BLOC1S5: variants seen among roughly 807,000 people sequenced by gnomAD.
The protein encoded by BLOC1S5 is biogenesis of lysosomal organelles complex 1 subunit 5.
A neutral mutation model predicts 24.3 loss-of-function variants in BLOC1S5; 27 were observed. That is an observed-to-expected ratio of 1.11 (90% CI 0.82 to 1.53). The LOEUF is 1.53. BLOC1S5 is among the 40% of genes most tolerant of loss of function. BLOC1S5 has a pLI of 0.00. For missense variants in BLOC1S5, 239 were observed against 229.4 expected (o/e 1.04, Z -0.27); for synonymous variants, 84 against 74.5 (o/e 1.13, Z -0.66).
chr6:8,059,245 G>C (rs910178283), intron 2 of BLOC1S5, among the ~76,000 whole-genome samples: 2 of 152,206 alleles, frequency 1.3e-5, no homozygotes, highest in Admixed American at 6.5e-5. Flanking sequence ...AAAGTCAGGA[G>C]ACAGACAGTC....
intron 4 of BLOC1S5, among the ~76,000 whole-genome samples, chr6:8,024,453 G>A (rs376465758): frequency 2.2e-5 from 3 of 137,182 alleles, no homozygotes; most frequent in South Asian, 2.3e-4. Flanking sequence ...GGGAGGCAGC[G>A]ATTGCAGTGA....
intron 4 of BLOC1S5, among the ~76,000 whole-genome samples, chr6:8,020,973 A>G (rs979069999): frequency 2.0e-5 from 3 of 152,244 alleles, no homozygotes; most frequent in African/African-American, 7.2e-5. Flanking sequence ...AATGTTATGC[A>G]TAATAGCCAA....
chr6:8,044,414 C>T (rs1763804385), intron 2 of BLOC1S5, among the ~76,000 whole-genome samples: 1 of 151,774 alleles, frequency 6.6e-6, no homozygotes, highest in Non-Finnish European at 1.5e-5. Flanking sequence ...ATGTCTTTAT[C>T]AGTAGAGTGA....
intron 1 of BLOC1S5, among the ~76,000 whole-genome samples, 167 bp downstream of exon 1, chr6:8,064,098 C>T (rs987582720): frequency 6.6e-6 from 1 of 152,172 alleles, no homozygotes; most frequent in Non-Finnish European, 1.5e-5. Flanking sequence ...TGTGGTGGGA[C>T]GCATTTGGCG....
chr6:8,037,120 A>G (rs1763515222), intron 3 of BLOC1S5, among the ~76,000 whole-genome samples: 1 of 152,210 alleles, frequency 6.6e-6, no homozygotes, highest in Non-Finnish European at 1.5e-5. Context: ...CATAATACTG[A>G]AAGTACTGCC....
At chr6:8,021,164 A>T (rs192327656) in intron 4 of BLOC1S5, among the ~76,000 whole-genome samples, 2 of 152,250 alleles carry the variant, frequency 1.3e-5, no homozygotes, top group Non-Finnish European at 2.9e-5. Flanking sequence ...GACAAATGTT[A>T]TATGAGTCTA....
chr6:8,029,814 AAAG>A, intron 3 of BLOC1S5, among the ~76,000 whole-genome samples: 1 of 152,368 alleles, frequency 6.6e-6, no homozygotes, highest in South Asian at 2.1e-4. Flanking sequence ...CTAGTGCTGA[AAAG>A]AAGCAGTGAT....
chr6:8,029,127 C>A (rs1218622644), intron 3 of BLOC1S5, among the ~76,000 whole-genome samples: 28 of 151,810 alleles, frequency 1.8e-4, no homozygotes, highest in African/African-American at 6.8e-4. Context: ...ACCTCAAATA[C>A]ACACGTAAGA....
Position 8,015,548 on chromosome 6 carries a change from T to C in BLOC1S5, c.*101A>G, listed in dbSNP as rs1447774556. 16 of 1,191,504 alleles carry C rather than the reference T, an allele frequency of 1.3e-5. No individual in the cohort carries two copies. The East Asian group carries it at 2.6e-4, about 20-fold the overall frequency. 73.8% of individuals were successfully genotyped at this position (1,191,504 alleles called of 1,614,324 possible). On this transcript the variant is annotated 3_prime_UTR_variant, in exon 5 of 5. Transcript: ENST00000397457. ...TGATATAAGAGTGCCACTGAATATA[T>C]TGCTAAGCTTGAAGCAGAGGCTAAA...
chr6:8,053,412 C>G (rs1331656034), intron 2 of BLOC1S5, among the ~76,000 whole-genome samples: 2 of 152,190 alleles, frequency 1.3e-5, no homozygotes, highest in African/African-American at 4.8e-5. Context: ...CCACCCTGAT[C>G]AGTCAGTCAG....
chr6:8,063,569 T>C (rs767867600), intron 1 of BLOC1S5, among the ~76,000 whole-genome samples: 7 of 152,324 alleles, frequency 4.6e-5, no homozygotes, highest in Non-Finnish European at 8.8e-5. Flanking sequence ...AGTACATATC[T>C]TCTTAAGCAT....
intron 3 of BLOC1S5, 116 bp from the exon 4 acceptor site, chr6:8,026,541 G>T: frequency 2.6e-6 from 2 of 783,034 alleles, no homozygotes; most frequent in South Asian, 1.7e-5. Context: ...AAAAAACTAT[G>T]CAAAGAACTG....
At chr6:8,047,357 A>G (rs1426590264) in intron 2 of BLOC1S5, among the ~76,000 whole-genome samples, 1 of 151,944 alleles carries the variant, frequency 6.6e-6, no homozygotes, top group Non-Finnish European at 1.5e-5. Flanking sequence ...ACAGGCGCAC[A>G]TTATGACACT....
intron 3 of BLOC1S5, among the ~76,000 whole-genome samples, chr6:8,028,809 C>A (rs941743107): frequency 6.6e-6 from 1 of 152,120 alleles, no homozygotes; most frequent in Non-Finnish European, 1.5e-5. Flanking sequence ...AAGACAATCA[C>A]CAGACTGCAC....
chr6:8,052,287 G>C (rs2815148), intron 2 of BLOC1S5, among the ~76,000 whole-genome samples: 130,738 of 152,136 alleles, frequency 0.86, 56,471 homozygotes, highest in East Asian at 1. Context: ...ATTCTACAGC[G>C]CATGGATTAA....
At chr6:8,060,777 C>T (rs1280504619) in intron 2 of BLOC1S5, among the ~76,000 whole-genome samples, 1 of 152,128 alleles carries the variant, frequency 6.6e-6, no homozygotes, top group Non-Finnish European at 1.5e-5. Flanking sequence ...ATTTATACAA[C>T]ACACTGTAAA....
rs116635551 is a variant in BLOC1S5 at position 8,053,835 on chromosome 6, C to G, written c.195+8699G>C. 9.5e-3 allele frequency among the ~76,000 whole-genome samples: 1,451 copies of G among 152,172 alleles called. 26 individuals are homozygous for G. Among genetic ancestry groups the G allele is most frequent in the African/African-American group, 0.033 (1,382 of 41,538 alleles). On this transcript the variant is annotated intron_variant, in intron 2 of 4. Coordinates refer to ENST00000397457, the MANE Select transcript of BLOC1S5 (RefSeq NM_201280.3). ...AATCTTTCTCTGTGTGGTCTTTGTT[C>G]TCTCTTTTTGGTGTATCTTCCAGTT...
chr6:8,057,958 G>A (rs1194685177), intron 2 of BLOC1S5, among the ~76,000 whole-genome samples: 1 of 152,046 alleles, frequency 6.6e-6, no homozygotes, highest in Non-Finnish European at 1.5e-5. Flanking sequence ...AGTCTTTCGT[G>A]CTTATAACAA....
intron 2 of BLOC1S5, among the ~76,000 whole-genome samples, chr6:8,055,087 C>T (rs144654412): frequency 9.8e-4 from 149 of 152,192 alleles, no homozygotes; most frequent in African/African-American, 3.5e-3. Flanking sequence ...TGAGTTATAT[C>T]GTTCTTTCCT....
Sources: allele counts gnomAD v4.1 joint callset (sites outside exome capture counted in the v4.1 genomes callset), GRCh38; gene constraint gnomAD v4.1.1; transcripts MANE v1.5; gene names NCBI Gene and HGNC (gene_info 2026-07-23, HGNC 2026-07-21).